RCAN2: variants seen among roughly 807,000 people sequenced by gnomAD.
RCAN2 encodes the protein calcipressin-2.
A neutral mutation model predicts 23.6 loss-of-function variants in RCAN2; 9 were observed. The ratio of observed to expected loss-of-function variants is 0.38; its 90% CI spans 0.23 to 0.67. The LOEUF (loss-of-function observed/expected upper bound fraction) is 0.67, where lower values mean the gene tolerates loss of function less well. RCAN2 is among the 30% of genes least tolerant of loss of function. The pLI is 0.51. For synonymous variants in RCAN2, 109 were observed against 115.7 expected (o/e 0.94, Z 0.37); for missense variants, 273 against 302.3 (o/e 0.90, Z 0.72).
intron 2 of RCAN2, among the ~76,000 whole-genome samples, chr6:46,269,767 C>G (rs182689647): frequency 1.2e-3 from 185 of 152,166 alleles, no homozygotes; most frequent in African/African-American, 4.3e-3. Context: ...CCTGAGGGAC[C>G]CAGGATTGGG....
At chr6:46,263,820 T>C (rs948769722) in intron 2 of RCAN2, among the ~76,000 whole-genome samples, 1 of 151,986 alleles carries the variant, frequency 6.6e-6, no homozygotes, top group Non-Finnish European at 1.5e-5. Context: ...AATGGCCTTG[T>C]TTGTTGCACA....
At chr6:46,482,503 T>C (rs1377724571) in intron 1 of RCAN2, among the ~76,000 whole-genome samples, 4 of 152,140 alleles carry the variant, frequency 2.6e-5, no homozygotes, top group Non-Finnish European at 4.4e-5. Context: ...AAATCCACCA[T>C]GTCAGGCTCC....
At chr6:46,373,817 C>G (rs1484466797) in intron 2 of RCAN2, among the ~76,000 whole-genome samples, 1 of 152,106 alleles carries the variant, frequency 6.6e-6, no homozygotes, top group East Asian at 1.9e-4. Context: ...CTCTCTTTCT[C>G]CACCACCCCT....
At chr6:46,450,963 T>C (rs928941509) in intron 2 of RCAN2, among the ~76,000 whole-genome samples, 2 of 152,124 alleles carry the variant, frequency 1.3e-5, no homozygotes, top group South Asian at 2.1e-4. Flanking sequence ...GTAATGTATA[T>C]GTTAATTAGC....
At chr6:46,275,657 G>A (rs182673105) in intron 2 of RCAN2, among the ~76,000 whole-genome samples, 3 of 152,290 alleles carry the variant, frequency 2.0e-5, no homozygotes, top group Admixed American at 1.3e-4. Flanking sequence ...TGATGACAAA[G>A]TGCTTGTAGC....
chr6:46,233,435 T>C (rs1765967814), intron 4 of RCAN2, among the ~76,000 whole-genome samples: 2 of 152,208 alleles, frequency 1.3e-5, no homozygotes, highest in Admixed American at 1.3e-4. Flanking sequence ...GTGGCCACTG[T>C]AGTTTCATTC....
intron 2 of RCAN2, among the ~76,000 whole-genome samples, chr6:46,340,938 G>A (rs1439843037): frequency 1.3e-5 from 2 of 152,120 alleles, no homozygotes; most frequent in South Asian, 4.1e-4. Flanking sequence ...AAATTAGCAG[G>A]TAGCCATATC....
chr6:46,383,038 G>A (rs1324630972), intron 2 of RCAN2, among the ~76,000 whole-genome samples: 1 of 152,142 alleles, frequency 6.6e-6, no homozygotes, highest in East Asian at 1.9e-4. Flanking sequence ...CCCTCAAGGC[G>A]TCTAGTAGGA....
At chr6:46,268,042 T>C (rs1767398471) in intron 2 of RCAN2, among the ~76,000 whole-genome samples, 1 of 152,178 alleles carries the variant, frequency 6.6e-6, no homozygotes, top group Non-Finnish European at 1.5e-5. Context: ...AATGGTCATA[T>C]ATGCAATAAA....
In RCAN2 at chr6:46,375,469, G is replaced by A. The variant is rs771232645; in HGVS notation, c.225+81283C>T. On this transcript the variant is annotated intron_variant, in intron 2 of 4. Coordinates refer to ENST00000371374, the MANE Select transcript of RCAN2 (RefSeq NM_001251974.2). ...TTTCCCCTGTTCAGAATTCTTCAAT[G>A]GCAACTCTTACTTTAAACTAAAGTC... Among the ~76,000 whole-genome samples, 6 of 152,066 alleles carry A rather than the reference G, an allele frequency of 3.9e-5. No homozygotes were observed. In the South Asian group the frequency reaches 1.2e-3, roughly 31 times the overall value.
intron 2 of RCAN2, among the ~76,000 whole-genome samples, chr6:46,280,948 C>A (rs1178893938): frequency 6.6e-6 from 1 of 152,138 alleles, no homozygotes; most frequent in Admixed American, 6.6e-5. Context: ...CTAAATCAAT[C>A]ATTTCCAAAG....
chr6:46,408,884 C>T (rs1330307224), intron 2 of RCAN2, among the ~76,000 whole-genome samples: 1 of 152,072 alleles, frequency 6.6e-6, no homozygotes, highest in East Asian at 1.9e-4. Context: ...ACACATTGTT[C>T]TTACATGTCA....
chr6:46,274,744 G>C (rs1465733256), intron 2 of RCAN2, among the ~76,000 whole-genome samples: 1 of 152,218 alleles, frequency 6.6e-6, no homozygotes, highest in East Asian at 1.9e-4. Flanking sequence ...TAGGCAGAGA[G>C]GTCCCGAGAC....
chr6:46,474,436 T>C (rs894842399), intron 1 of RCAN2, among the ~76,000 whole-genome samples: 1 of 152,138 alleles, frequency 6.6e-6, no homozygotes, highest in African/African-American at 2.4e-5. Flanking sequence ...AGGAATATTC[T>C]TGAAGCAACA....
At chr6:46,395,745 T>C (rs935162381) in intron 2 of RCAN2, among the ~76,000 whole-genome samples, 20 of 152,182 alleles carry the variant, frequency 1.3e-4, no homozygotes, top group African/African-American at 4.3e-4. Context: ...ATTTTCGCAA[T>C]CTAGGAGGAA....
Position 46,221,643 on chromosome 6 carries a change from T to C in RCAN2, c.*1498A>G, listed in dbSNP as rs1385673703. Reference sequence around the variant, plus strand: ...GAGTGATCAGTCTATGTTTTAAGTTTCTGATGAAACTAACATACACCTTAG... The same window carrying C: ...GAGTGATCAGTCTATGTTTTAAGTTCCTGATGAAACTAACATACACCTTAG... On this transcript the variant is annotated 3_prime_UTR_variant, in exon 5 of 5. Coordinates refer to ENST00000371374, the MANE Select transcript of RCAN2 (RefSeq NM_001251974.2). 5 of 320,518 alleles carry C rather than the reference T, an allele frequency of 1.6e-5. No individual in the cohort carries two copies. The East Asian group carries it at 1.9e-4, about 12-fold the overall frequency. 19.9% of individuals were successfully genotyped at this position (320,518 alleles called of 1,614,324 possible). A position where few individuals can be genotyped will look rare whatever the true frequency, so the allele number is the denominator to read the frequency against.
intron 2 of RCAN2, among the ~76,000 whole-genome samples, chr6:46,397,876 G>A (rs913786063): frequency 1.3e-5 from 2 of 152,008 alleles, no homozygotes; most frequent in Admixed American, 1.3e-4. Flanking sequence ...TTTAAATTTT[G>A]CATTCTCTTT....
chr6:46,405,343 G>T (rs1357732889), intron 2 of RCAN2, among the ~76,000 whole-genome samples: 1 of 152,118 alleles, frequency 6.6e-6, no homozygotes, highest in Non-Finnish European at 1.5e-5. Flanking sequence ...GGTGGAAGGG[G>T]ACCCGAGCGG....
chr6:46,228,553 T>G (rs1765761399), intron 4 of RCAN2, among the ~76,000 whole-genome samples: 3 of 152,194 alleles, frequency 2.0e-5, no homozygotes, highest in African/African-American at 7.2e-5. Flanking sequence ...TCTTTTGGTC[T>G]TTGTTGGTTT....
Sources: allele counts gnomAD v4.1 joint callset (sites outside exome capture counted in the v4.1 genomes callset), GRCh38; gene constraint gnomAD v4.1.1; transcripts MANE v1.5; gene names NCBI Gene and HGNC (gene_info 2026-07-23, HGNC 2026-07-21).